CDH8: variants seen among roughly 807,000 people sequenced by gnomAD.
The protein encoded by CDH8 is cadherin-8.
CDH8 carries 17 observed loss-of-function variants against 68.1 expected under a neutral mutation model. The ratio of observed to expected loss-of-function variants is 0.25; its 90% CI spans 0.17 to 0.37. The LOEUF is 0.37. Among genes scored for constraint, CDH8 ranks in the 10% least tolerant of loss-of-function variants. The probability of loss-of-function intolerance (pLI) is 1.00; values close to 1 mark genes in which losing one functional copy is unlikely to be tolerated. For missense variants in CDH8, 763 were observed against 999.3 expected (o/e 0.76, Z 3.19); for synonymous variants, 372 against 365.1 (o/e 1.02, Z -0.21).
chr16:61,709,649 A>T (rs1964592487), intron 10 of CDH8, among the ~76,000 whole-genome samples: 3 of 152,178 alleles, frequency 2.0e-5, no homozygotes, highest in African/African-American at 7.2e-5. Context: ...TATATGCTAG[A>T]ATTGAAAGTG....
chr16:61,855,899 T>G (rs1963036237), intron 4 of CDH8, among the ~76,000 whole-genome samples: 1 of 152,176 alleles, frequency 6.6e-6, no homozygotes, highest in Non-Finnish European at 1.5e-5. Flanking sequence ...TGAGAAAAAG[T>G]TTAGAACAGA....
chr16:61,768,638 G>T (rs931244263), intron 8 of CDH8, among the ~76,000 whole-genome samples: 19 of 151,382 alleles, frequency 1.3e-4, no homozygotes, highest in Non-Finnish European at 2.7e-4. Flanking sequence ...TTCCTTTGGG[G>T]TTACCTTCAT....
chr16:61,751,618 A>G (rs937855953), intron 8 of CDH8, among the ~76,000 whole-genome samples: 16 of 152,032 alleles, frequency 1.1e-4, no homozygotes, highest in African/African-American at 3.9e-4. Flanking sequence ...GGGTCGCTGC[A>G]TAAAAACACT....
chr16:61,718,648 A>G (rs1959195834), intron 9 of CDH8, among the ~76,000 whole-genome samples: 1 of 151,298 alleles, frequency 6.6e-6, no homozygotes, highest in Non-Finnish European at 1.5e-5. Context: ...ATTAACATCT[A>G]TCTCTTGGAG....
chr16:61,653,584 C>T lies in CDH8; in HGVS notation c.*24G>A. The T allele has an allele frequency of 6.3e-7, 1 of 1,583,608 alleles. No homozygotes were observed. The highest frequency in any genetic ancestry group is 8.6e-7 in the Non-Finnish European group (1 of 1,166,518). ...TAGAATATTACAGAATGCTCAGTTC[C>T]AGTGATTTATTTATAATCCACTGTC... On this transcript the variant is annotated 3_prime_UTR_variant, in exon 12 of 12. Coordinates refer to ENST00000577390, the MANE Select transcript of CDH8 (RefSeq NM_001796.5).
intron 1 of CDH8, among the ~76,000 whole-genome samples, chr16:62,029,347 GGTAATAAGTAAAGT>G (rs1251738982): frequency 2.0e-5 from 3 of 152,110 alleles, no homozygotes; most frequent in Non-Finnish European, 2.9e-5. Flanking sequence ...TGTGTAGACA[GGTAATAAGTAAAGT>G]AACTTTTTTA....
At chr16:61,677,744 A>G (rs955250290) in intron 10 of CDH8, among the ~76,000 whole-genome samples, 1 of 151,974 alleles carries the variant, frequency 6.6e-6, no homozygotes, top group Non-Finnish European at 1.5e-5. Context: ...TGCTACTGTA[A>G]ACAAAAAATA....
chr16:61,981,824 C>G (rs566648630), intron 2 of CDH8, among the ~76,000 whole-genome samples: 1 of 152,228 alleles, frequency 6.6e-6, no homozygotes, highest in South Asian at 2.1e-4. Context: ...TAATTTGCAA[C>G]CAGAAAATAA....
intron 2 of CDH8, among the ~76,000 whole-genome samples, chr16:62,008,444 G>A (rs1193284746): frequency 1.3e-5 from 2 of 151,784 alleles, no homozygotes; most frequent in African/African-American, 2.4e-5. Context: ...TTTTTTGCTT[G>A]TGTCTTTCCT....
chr16:61,993,346 G>T (rs1316447838), intron 2 of CDH8, among the ~76,000 whole-genome samples: 1 of 151,936 alleles, frequency 6.6e-6, no homozygotes, highest in African/African-American at 2.4e-5. Flanking sequence ...TTGAGACGGA[G>T]TTTCACTCTT....
intron 3 of CDH8, among the ~76,000 whole-genome samples, chr16:61,898,653 G>A (rs1963912149): frequency 6.6e-6 from 1 of 152,154 alleles, no homozygotes; most frequent in South Asian, 2.1e-4. Context: ...CAATAATCCA[G>A]TGAGGGTCAT....
At chr16:61,918,928 T>A (rs1964305479) in intron 2 of CDH8, among the ~76,000 whole-genome samples, 2 of 148,930 alleles carry the variant, frequency 1.3e-5, no homozygotes, top group African/African-American at 5.0e-5. Flanking sequence ...CTGACAGCTT[T>A]GAAGAGAGCA....
chr16:61,760,955 T>C (rs915687879), intron 8 of CDH8, among the ~76,000 whole-genome samples: 3 of 152,180 alleles, frequency 2.0e-5, no homozygotes, highest in Admixed American at 6.5e-5. Context: ...TTTGAAGTAA[T>C]TGTGTTTTCC....
At chr16:61,712,257 T>C (rs1397812623) in intron 10 of CDH8, among the ~76,000 whole-genome samples, 1 of 151,676 alleles carries the variant, frequency 6.6e-6, no homozygotes, top group Non-Finnish European at 1.5e-5. Context: ...GCATAATAAA[T>C]ACGTGTCAAA....
intron 1 of CDH8, among the ~76,000 whole-genome samples, chr16:62,034,874 A>G (rs1249861156): frequency 3.9e-5 from 6 of 152,190 alleles, no homozygotes; most frequent in Non-Finnish European, 7.3e-5. Flanking sequence ...ACAATAAACA[A>G]TTAATGTGGT....
chr16:61,798,106 GA>G (rs1336155363), intron 7 of CDH8, among the ~76,000 whole-genome samples: 1 of 152,044 alleles, frequency 6.6e-6, no homozygotes, highest in Non-Finnish European at 1.5e-5. Context: ...TAATACTTTT[GA>G]AAAATTTGAA....
chr16:61,991,460 A>G (rs142510982), intron 2 of CDH8, among the ~76,000 whole-genome samples: 282 of 152,352 alleles, frequency 1.9e-3, no homozygotes, highest in African/African-American at 6.2e-3. Flanking sequence ...AAGCAATAAC[A>G]TGACTAAATT....
chr16:61,766,828 A>G (rs1451740420), intron 8 of CDH8, among the ~76,000 whole-genome samples: 4 of 151,992 alleles, frequency 2.6e-5, no homozygotes, highest in Non-Finnish European at 4.4e-5. Flanking sequence ...ATTATGCTAA[A>G]AAAGTTAATA....
In CDH8 at chr16:61,649,418, TTATA is replaced by T; in HGVS notation, c.*4186_*4189del. 1 of 149,598 alleles carries T rather than the reference TTATA, an allele frequency of 6.7e-6. No homozygotes were observed. Among genetic ancestry groups the T allele is most frequent in the Non-Finnish European group, 1.5e-5 (1 of 67,770 alleles). The allele number at this position is 149,598 out of a possible 1,614,324, so 9.3% of individuals were successfully genotyped here. Reference sequence around the variant, plus strand: ...CTGAATTGTGTATATATGTGCATATTTATATATATGAATATATTTATAAATATAT... The same window carrying T: ...CTGAATTGTGTATATATGTGCATATTTATATGAATATATTTATAAATATAT... On this transcript the variant is annotated 3_prime_UTR_variant, in exon 12 of 12. Transcript: ENST00000577390.
Sources: gnomAD v4.1 joint callset for allele counts (sites outside exome capture counted in the v4.1 genomes callset) on GRCh38, gnomAD v4.1.1 for gene constraint, MANE v1.5 for transcripts, NCBI Gene and HGNC (gene_info 2026-07-23, HGNC 2026-07-21) for gene names.